ITLN1: variants seen among roughly 807,000 people sequenced by gnomAD.
The protein encoded by ITLN1 is intelectin 1.
In ITLN1, 29 loss-of-function variants were observed where a neutral mutation model predicts 36.2. The observed-to-expected ratio is 0.80, with a 90% confidence interval of 0.60 to 1.09. The LOEUF is 1.09. Ranked by LOEUF, ITLN1 falls within the 50% of genes least tolerant of loss-of-function variation. The pLI is 0.00. For synonymous variants in ITLN1, 143 were observed against 146.5 expected, an observed-to-expected ratio of 0.98 and a Z score of 0.17; for missense variants, 358 against 405.2, an observed-to-expected ratio of 0.88 and a Z score of 1.00.
chr1:160,884,758 G>A, intron 2 of ITLN1, 62 bp downstream of exon 2: 2 of 1,128,802 alleles, frequency 1.8e-6, no homozygotes, highest in Non-Finnish European at 2.7e-6. Flanking sequence ...TGTCCTGGGA[G>A]AGACCAGGAT....
At chr1:160,878,521 AG>A (rs1670627862) in intron 7 of ITLN1, among the ~76,000 whole-genome samples, 1 of 151,758 alleles carries the variant, frequency 6.6e-6, no homozygotes, top group Admixed American at 6.6e-5. Context: ...CAAGTAGCTG[AG>A]ACCACAGGCA....
chr1:160,880,109 A>G (rs1480155327), intron 6 of ITLN1, among the ~76,000 whole-genome samples: 1 of 152,144 alleles, frequency 6.6e-6, no homozygotes, highest in Non-Finnish European at 1.5e-5. Flanking sequence ...GTTGGAGACC[A>G]GCCTGGCCAA....
intron 3 of ITLN1, 188 bp from the exon 4 acceptor site, chr1:160,882,392 C>A: frequency 1.8e-6 from 1 of 556,484 alleles, no homozygotes; most frequent in Non-Finnish European, 3.0e-6. Context: ...GTAACTGAGG[C>A]AGAACATAGA....
intron 7 of ITLN1, 66 bp from the exon 8 acceptor site, chr1:160,876,882 C>T: frequency 6.7e-7 from 1 of 1,484,742 alleles, no homozygotes; most frequent in Non-Finnish European, 9.3e-7. Context: ...GCCATCTTAA[C>T]AGCTGAATCC....
intron 3 of ITLN1, chr1:160,882,412 A>C: frequency 6.3e-6 from 3 of 478,076 alleles, no homozygotes; most frequent in Non-Finnish European, 1.1e-5. Context: ...AATTGTATAA[A>C]ATCCCAGTGA....
At position 160,885,147 on chromosome 1, in the gene ITLN1, G is replaced by A. The variant is rs1670738629; in HGVS notation, c.-93C>T. On this transcript the variant is annotated 5_prime_UTR_variant, in exon 1 of 8. Coordinates refer to ENST00000326245, the MANE Select transcript of ITLN1 (RefSeq NM_017625.3). Reference sequence around the variant, plus strand: ...ACTGCGCCCTGGAGCTCAACAGAGTGCAGCTTTCTCCAAAAACGCTCCTGA... The same window carrying A: ...ACTGCGCCCTGGAGCTCAACAGAGTACAGCTTTCTCCAAAAACGCTCCTGA... The A allele has an allele frequency of 2.5e-5, 9 of 361,070 alleles. No homozygotes were observed. In the South Asian group the frequency reaches 7.6e-4, roughly 30 times the overall value. 22.4% of individuals were successfully genotyped at this position (361,070 alleles called of 1,614,324 possible).
intron 7 of ITLN1, among the ~76,000 whole-genome samples, chr1:160,877,627 C>A (rs1367175924): frequency 6.6e-6 from 1 of 152,224 alleles, no homozygotes; most frequent in East Asian, 1.9e-4. Flanking sequence ...ATGACACTCC[C>A]TCACCCAAAT....
intron 6 of ITLN1, 51 bp from the exon 7 acceptor site, chr1:160,879,465 T>A: frequency 2.7e-6 from 4 of 1,472,896 alleles, no homozygotes; most frequent in Non-Finnish European, 3.8e-6. Context: ...TAGAAATTGC[T>A]TTCCTTAGGC....
intron 5 of ITLN1, 150 bp from the exon 6 acceptor site, chr1:160,880,858 T>C (rs1036089963): frequency 2.8e-5 from 28 of 1,007,828 alleles, no homozygotes; most frequent in Non-Finnish European, 3.9e-5. Context: ...AATCTTTCCA[T>C]GACACTGCTG....
chr1:160,882,342 G>A, intron 3 of ITLN1, 138 bp from the exon 4 acceptor site: 2 of 1,045,852 alleles, frequency 1.9e-6, no homozygotes, highest in Non-Finnish European at 2.7e-6. Context: ...GTGCTCCCAG[G>A]GGTACTGGGG....
intron 2 of ITLN1, among the ~76,000 whole-genome samples, chr1:160,883,831 T>C (rs1670717391): frequency 6.6e-6 from 1 of 152,206 alleles, no homozygotes; most frequent in South Asian, 2.1e-4. Flanking sequence ...GACATTAAAG[T>C]TCCCCAGCAA....
chr1:160,881,343 G>A (rs982949971), intron 4 of ITLN1, 31 bp from the exon 5 acceptor site: 31 of 1,536,178 alleles, frequency 2.0e-5, no homozygotes, highest in Non-Finnish European at 2.7e-5. Flanking sequence ...AGCCTGACTG[G>A]GCCAGGAGGT....
At chr1:160,882,654 G>A (rs1163249758) in intron 3 of ITLN1, among the ~76,000 whole-genome samples, 2 of 152,016 alleles carry the variant, frequency 1.3e-5, no homozygotes. Context: ...TGGATAAAAG[G>A]GAATGAAATA....
At position 160,881,210 on chromosome 1, in the gene ITLN1, G is replaced by C; in HGVS notation, c.508C>G (p.Arg170Gly). Residue 170 changes from arginine to glycine, a missense_variant, in exon 5 of 8, where the codon CGC becomes GGC. Arg to Gly is a moderately radical substitution (Grantham distance 125). Transcript: ENST00000326245. ...GTCTGGAGGAAGCCAGTGTCCGTGC[G>C]GTACCTCAGCAGGGAGCTGTTTCTC... ...HWRNSSLLRY[R>G]TDTGFLQTLG... The C allele has an allele frequency of 6.2e-7, 1 of 1,613,692 alleles. No individual in the cohort carries two copies. The highest frequency in any genetic ancestry group is 8.5e-7 in the Non-Finnish European group (1 of 1,179,764).
At chr1:160,880,834 C>T (rs1670663121) in intron 5 of ITLN1, 126 bp from the exon 6 acceptor site, 2 of 1,170,322 alleles carry the variant, frequency 1.7e-6, no homozygotes, top group East Asian at 2.4e-5. Flanking sequence ...TACTTCAAAA[C>T]CAGTCAAAAT....
intron 5 of ITLN1, 61 bp downstream of exon 5, chr1:160,881,093 C>G: frequency 6.6e-7 from 1 of 1,514,544 alleles, no homozygotes; most frequent in Admixed American, 2.1e-5. Context: ...CCTGCCCAAC[C>G]TCTAACACTT....
In ITLN1 at chr1:160,881,277, C is replaced by T; in HGVS notation, c.441G>A (p.Leu147=). The T allele has an allele frequency of 1.2e-6, 2 of 1,609,616 alleles. No individual in the cohort carries two copies. The highest frequency in any genetic ancestry group is 2.2e-5 in the South Asian group (2 of 90,400). The change falls in exon 5 of 8, where the codon CTG becomes CTA. Residue 147 remains leucine, a synonymous_variant. Transcript: ENST00000326245. ...ACTTATTGGGCACGTGCCAGATGCC[C>T]AGGTCCTTGGCCTGGATGTCGTAGT... ...PGYYDIQAKD[L]GIWHVPNKSP... is the part of the protein sequence containing the mutation.
chr1:160,880,648 C>T lies in ITLN1; in HGVS notation c.625G>A (p.Val209Met), dbSNP rs1340007807. ...CWTDNGPVIP[V>M]VYDFGDAQKT... ...TGGGCGTCGCCAAAATCATAGACCA[C>T]AGGGATCACCGGGCCGTTGTCAGTC... The change falls in exon 6 of 8, where the codon GTG becomes ATG. Residue 209 changes from valine (V) to methionine (M), a missense_variant. Transcript: ENST00000326245. 15 of 1,614,152 alleles carry T rather than the reference C, an allele frequency of 9.3e-6. No homozygotes were observed. Among genetic ancestry groups the T allele is most frequent in the Non-Finnish European group, 1.3e-5 (15 of 1,180,002 alleles).
chr1:160,883,774 A>G (rs1670716777), intron 2 of ITLN1, among the ~76,000 whole-genome samples: 1 of 152,246 alleles, frequency 6.6e-6, no homozygotes, highest in Non-Finnish European at 1.5e-5. Context: ...TCCCGCCACA[A>G]GACCTGTCCT....
Sources: gnomAD v4.1 joint callset for allele counts (sites outside exome capture counted in the v4.1 genomes callset) on GRCh38, gnomAD v4.1.1 for gene constraint, MANE v1.5 for transcripts, NCBI Gene and HGNC (gene_info 2026-07-23, HGNC 2026-07-21) for gene names.